The following EVI5 variants were observed in gnomAD, a reference collection of about 807,000 sequenced individuals.
The protein encoded by EVI5 is ecotropic viral integration site 5.
In EVI5, 73 loss-of-function variants were observed where a neutral mutation model predicts 112.0. That is an observed-to-expected ratio of 0.65 (90% CI 0.54 to 0.79). The LOEUF is 0.79. EVI5 is among the 30% of genes least tolerant of loss of function. The pLI is 0.00. For missense variants in EVI5, 900 were observed against 968.8 expected (o/e 0.93, Z 0.94); for synonymous variants, 305 against 319.9 (o/e 0.95, Z 0.50).
At chr1:92,630,534 A>C (rs965859237) in intron 14 of EVI5, among the ~76,000 whole-genome samples, 12 of 151,964 alleles carry the variant, frequency 7.9e-5, no homozygotes, top group Non-Finnish European at 1.0e-4. Context: ...TTTCTTGTAA[A>C]TTTGTTTGAG....
intron 18 of EVI5, among the ~76,000 whole-genome samples, chr1:92,593,271 A>G (rs1398323063): frequency 6.6e-6 from 1 of 152,228 alleles, no homozygotes; most frequent in East Asian, 1.9e-4. Flanking sequence ...TCAACATAGC[A>G]AATCAATAAA....
At chr1:92,562,361 C>T (rs1015666864) in intron 19 of EVI5, among the ~76,000 whole-genome samples, 2 of 151,964 alleles carry the variant, frequency 1.3e-5, no homozygotes, top group African/African-American at 4.8e-5. Context: ...AACCCCGTCT[C>T]TACTAAAAAA....
intron 1 of EVI5, among the ~76,000 whole-genome samples, chr1:92,746,179 G>A (rs1212074488): frequency 6.6e-6 from 1 of 152,160 alleles, no homozygotes; most frequent in Admixed American, 6.5e-5. Context: ...CAAAAATGCT[G>A]CTTGACCACA....
At chr1:92,770,533 G>A (rs538987731) in intron 1 of EVI5, among the ~76,000 whole-genome samples, 26 of 152,304 alleles carry the variant, frequency 1.7e-4, no homozygotes, top group Non-Finnish European at 3.4e-4. Context: ...GCTCACGCCT[G>A]TAATCCCAGC....
chr1:92,724,816 AT>A (rs1675308479), intron 2 of EVI5, among the ~76,000 whole-genome samples: 3 of 152,168 alleles, frequency 2.0e-5, no homozygotes, highest in Middle Eastern at 3.4e-3. Flanking sequence ...TTTAAAAAAA[AT>A]AAATATATAT....
At chr1:92,750,162 G>A (rs1003070218) in intron 1 of EVI5, among the ~76,000 whole-genome samples, 4 of 151,970 alleles carry the variant, frequency 2.6e-5, no homozygotes, top group South Asian at 2.1e-4. Context: ...GTATCCAAGT[G>A]GAACTTATAG....
intron 18 of EVI5, among the ~76,000 whole-genome samples, chr1:92,571,617 G>A (rs540295278): frequency 3.3e-5 from 5 of 152,114 alleles, no homozygotes; most frequent in Admixed American, 3.3e-4. Context: ...AAAAGACATA[G>A]CAATGAATTA....
rs147571874 is a variant in EVI5, at chr1:92,781,904, G to A, written c.-82+2932C>T. 2.3e-3 allele frequency among the ~76,000 whole-genome samples: 330 copies of A among 141,268 alleles called. 1 individual carries two copies. Among genetic ancestry groups the A allele is most frequent in the African/African-American group, 8.3e-3 (312 of 37,620 alleles). The allele number at this position is 141,268 out of a possible 152,430, so 92.7% of individuals were successfully genotyped here. A position where few individuals can be genotyped will look rare whatever the true frequency, so the allele number is the denominator to read the frequency against. On this transcript the variant is annotated intron_variant, in intron 1 of 19. Coordinates refer to ENST00000684568, the MANE Select transcript of EVI5 (RefSeq NM_001350197.2). The stretch of plus-strand genomic sequence containing the variant: ...TGGGAGATCAAGATTGCAGTGAGCC[G>A]TGATCGTGCCACTGCACTCCAACCT...
chr1:92,788,730 C>G (rs979515357), upstream of EVI5, among the ~76,000 whole-genome samples: 6 of 151,420 alleles, frequency 4.0e-5, no homozygotes, highest in Non-Finnish European at 7.4e-5. Flanking sequence ...AGAGGTGGAG[C>G]TTGCAGTGAG....
At chr1:92,677,118 TTCAA>T (rs1203939800) in intron 10 of EVI5, 36 bp downstream of exon 10, 4 of 1,242,914 alleles carry the variant, frequency 3.2e-6, no homozygotes, top group African/African-American at 3.0e-5. Flanking sequence ...AATAATTGAT[TTCAA>T]TCAATCAGTA....
chr1:92,739,267 C>T (rs1437544029), intron 1 of EVI5, among the ~76,000 whole-genome samples: 33 of 69,370 alleles, frequency 4.8e-4, no homozygotes, highest in Admixed American at 1.6e-3. Context: ...AAGCGAAACT[C>T]CGTCTCAAAA....
At chr1:92,665,161 A>T (rs930016922) in intron 11 of EVI5, among the ~76,000 whole-genome samples, 1 of 152,082 alleles carries the variant, frequency 6.6e-6, no homozygotes, top group African/African-American at 2.4e-5. Context: ...GCCAAGATTG[A>T]GCCACTGCAC....
intron 16 of EVI5, among the ~76,000 whole-genome samples, chr1:92,622,531 A>G (rs934476354): frequency 9.2e-5 from 14 of 152,268 alleles, no homozygotes; most frequent in Non-Finnish European, 2.9e-5. Flanking sequence ...AAAGTCCTTA[A>G]AATGACAGAA....
intron 18 of EVI5, among the ~76,000 whole-genome samples, chr1:92,575,661 C>T (rs1156724017): frequency 9.8e-5 from 14 of 142,236 alleles, no homozygotes; most frequent in African/African-American, 3.4e-4. Flanking sequence ...TCTCTGCTTC[C>T]TGGGTTCAAG....
chr1:92,782,785 G>A (rs527539661), intron 1 of EVI5, among the ~76,000 whole-genome samples: 1 of 151,942 alleles, frequency 6.6e-6, no homozygotes, highest in Non-Finnish European at 1.5e-5. Context: ...ATCTTTGGTG[G>A]TTCACTTAGT....
chr1:92,635,456 G>A lies in EVI5; in HGVS notation c.1527+746C>T, dbSNP rs375112679. On this transcript the variant is annotated intron_variant, in intron 14 of 19. Transcript: ENST00000684568. ...CTGTGCTAGTAATGAGTGAGGCTCT[G>A]TGAGCGTAGGACCCTCCGAGCCAGG... Among the ~76,000 whole-genome samples, 121 of 152,306 alleles carry A rather than the reference G, an allele frequency of 7.9e-4. 1 individual carries two copies. Among genetic ancestry groups the A allele is most frequent in the African/African-American group, 2.8e-3 (115 of 41,578 alleles).
intron 12 of EVI5, 22 bp from the exon 13 acceptor site, chr1:92,662,887 G>T: frequency 8.0e-7 from 1 of 1,257,164 alleles, no homozygotes; most frequent in Non-Finnish European, 1.0e-6. Flanking sequence ...ATTTTTGTGT[G>T]TGTAAAGCAA....
At chr1:92,744,584 T>C (rs1678957126) in intron 1 of EVI5, among the ~76,000 whole-genome samples, 1 of 10,924 alleles carries the variant, frequency 9.2e-5, no homozygotes, top group Non-Finnish European at 5.2e-4. Context: ...TTATGCCAAA[T>C]ATCTCTCTCT....
intron 14 of EVI5, 71 bp downstream of exon 14, chr1:92,636,131 C>T (rs1457348489): frequency 8.1e-7 from 1 of 1,234,558 alleles, no homozygotes; most frequent in Non-Finnish European, 1.1e-6. Flanking sequence ...TTAAATTGCT[C>T]AGTAAGTACT....
Sources: allele counts gnomAD v4.1 joint callset (sites outside exome capture counted in the v4.1 genomes callset), GRCh38; gene constraint gnomAD v4.1.1; transcripts MANE v1.5; gene names NCBI Gene and HGNC (gene_info 2026-07-23, HGNC 2026-07-21).